Variants in SGCD observed in about 807,000 individuals in gnomAD.
SGCD encodes the protein sarcoglycan delta.
SGCD carries 18 observed loss-of-function variants against 36.6 expected under a neutral mutation model. The ratio of observed to expected loss-of-function variants is 0.49; its 90% CI spans 0.34 to 0.73. The LOEUF is 0.73. Ranked by LOEUF, SGCD falls within the 30% of genes least tolerant of loss-of-function variation. SGCD has a pLI of 0.01. For missense variants in SGCD, 387 were observed against 346.7 expected (o/e 1.12, Z -0.92); for synonymous variants, 133 against 130.6 (o/e 1.02, Z -0.12).
chr5:156,049,335 A>C (rs1416564437), intron 1 of SGCD, among the ~76,000 whole-genome samples: 1 of 145,836 alleles, frequency 6.9e-6, no homozygotes, highest in Non-Finnish European at 1.5e-5. Flanking sequence ...TATGAACTTT[A>C]AAGTAGTTTT....
intron 1 of SGCD, among the ~76,000 whole-genome samples, chr5:155,890,726 C>T (rs1425088919): frequency 6.6e-6 from 1 of 152,106 alleles, no homozygotes; most frequent in African/African-American, 2.4e-5. Context: ...GGACACAGGG[C>T]AGGTGTGGAG....
chr5:155,988,204 T>C (rs1758368614), intron 1 of SGCD, among the ~76,000 whole-genome samples: 1 of 152,132 alleles, frequency 6.6e-6, no homozygotes, highest in Non-Finnish European at 1.5e-5. Context: ...TATTCCTGTG[T>C]ATATTGCCTA....
At chr5:155,933,439 T>G (rs1048068651) in intron 1 of SGCD, among the ~76,000 whole-genome samples, 1 of 152,254 alleles carries the variant, frequency 6.6e-6, no homozygotes, top group Non-Finnish European at 1.5e-5. Flanking sequence ...AATGTGGAGA[T>G]AACTCCACAA....
intron 3 of SGCD, among the ~76,000 whole-genome samples, chr5:156,398,111 G>A (rs1199608156): frequency 6.6e-6 from 1 of 152,218 alleles, no homozygotes; most frequent in African/African-American, 2.4e-5. Flanking sequence ...TTTCTGCTTA[G>A]GCATTGGCCT....
intron 3 of SGCD, among the ~76,000 whole-genome samples, chr5:156,386,522 G>A (rs1771285508): frequency 1.3e-5 from 2 of 152,238 alleles, no homozygotes; most frequent in African/African-American, 2.4e-5. Flanking sequence ...TTTAAAATGC[G>A]TGTTGTTTAA....
At chr5:156,453,624 T>C (rs1322896420) in intron 3 of SGCD, among the ~76,000 whole-genome samples, 1 of 152,190 alleles carries the variant, frequency 6.6e-6, no homozygotes, top group African/African-American at 2.4e-5. Flanking sequence ...GGAAGGGCGG[T>C]ACTCTCAAAG....
chr5:155,900,581 C>A (rs148032766), intron 1 of SGCD, among the ~76,000 whole-genome samples: 4,824 of 141,858 alleles, frequency 0.034, 621 homozygotes, highest in Admixed American at 0.23. Context: ...CCCCTCCCCC[C>A]ACTCCACAAC....
intron 7 of SGCD, among the ~76,000 whole-genome samples, chr5:156,751,794 G>A (rs1757156214): frequency 6.6e-6 from 1 of 152,212 alleles, no homozygotes; most frequent in South Asian, 2.1e-4. Flanking sequence ...ATGTCAGCAA[G>A]AAAGTGAACA....
intron 3 of SGCD, among the ~76,000 whole-genome samples, chr5:156,361,412 C>T (rs1769788755): frequency 1.3e-5 from 2 of 152,212 alleles, no homozygotes; most frequent in Admixed American, 1.3e-4. Context: ...TGGCAAAGTA[C>T]CTAATCTTCT....
At chr5:156,592,014 A>G (rs1270907023) in intron 5 of SGCD, among the ~76,000 whole-genome samples, 1 of 152,160 alleles carries the variant, frequency 6.6e-6, no homozygotes, top group Non-Finnish European at 1.5e-5. Flanking sequence ...CTGAAAAGCA[A>G]GATAGCTTAA....
chr5:155,841,773 G>A, the SGCD span, among the ~76,000 whole-genome samples: 1 of 152,038 alleles, frequency 6.6e-6, no homozygotes, highest in Admixed American at 6.6e-5. Flanking sequence ...AATGGTTTAG[G>A]AGGATGTGAC....
At position 156,385,125 on chromosome 5, in the gene SGCD, T is replaced by A. The variant is rs113832622; in HGVS notation, c.192+40448T>A. Among the ~76,000 whole-genome samples, 4 of 152,352 alleles carry A rather than the reference T, an allele frequency of 2.6e-5. 1 individual carries two copies. Among genetic ancestry groups the A allele is most frequent in the African/African-American group, 9.6e-5 (4 of 41,578 alleles). ...TGCATTTAGATGGAGTGAAGTGCAG[T>A]GGAAAGAGCAATAACCCAGGAATTC... On this transcript the variant is annotated intron_variant, in intron 3 of 8. Coordinates refer to ENST00000337851, the MANE Select transcript of SGCD (RefSeq NM_000337.6).
At chr5:156,117,274 G>A (rs1372381855) in intron 1 of SGCD, among the ~76,000 whole-genome samples, 1 of 151,864 alleles carries the variant, frequency 6.6e-6, no homozygotes, top group African/African-American at 2.4e-5. Context: ...TAAAACCCTT[G>A]TAAAATACAA....
intron 1 of SGCD, among the ~76,000 whole-genome samples, chr5:156,117,248 A>AT (rs1761926952): frequency 1.3e-5 from 2 of 151,918 alleles, no homozygotes; most frequent in Non-Finnish European, 2.9e-5. Context: ...CCATATTACT[A>AT]TTTTTTTCAT....
intron 3 of SGCD, among the ~76,000 whole-genome samples, chr5:156,254,505 AT>A (rs1266018653): frequency 1.3e-5 from 2 of 152,222 alleles, no homozygotes; most frequent in Admixed American, 6.5e-5. Flanking sequence ...ACATTGTGTC[AT>A]TTTTTTGGTA....
At chr5:156,075,999 A>G (rs541926059) in intron 1 of SGCD, among the ~76,000 whole-genome samples, 14 of 152,202 alleles carry the variant, frequency 9.2e-5, no homozygotes, top group Admixed American at 3.3e-4. Context: ...AACTTTTTCC[A>G]GGTTTGTCCT....
In SGCD at chr5:156,242,973, T is replaced by C. The variant is rs546133726; in HGVS notation, c.-43-86561T>C. On this transcript the variant is annotated intron_variant, in intron 3 of 9. Coordinates refer to the SGCD transcript ENST00000517913. ...GCTGGGTAAGGAATACCTGGTAAGG[T>C]GGTCATGCAGGTTGCCTTTGATGAT... is the stretch of plus-strand genomic sequence containing the variant. Among the ~76,000 whole-genome samples, 3 of 152,048 alleles carry C rather than the reference T, an allele frequency of 2.0e-5. No individual in the cohort carries two copies. The South Asian group carries it at 6.2e-4, about 32-fold the overall frequency.
intron 1 of SGCD, among the ~76,000 whole-genome samples, chr5:156,041,787 A>G (rs1274991695): frequency 6.6e-6 from 1 of 152,198 alleles, no homozygotes; most frequent in Non-Finnish European, 1.5e-5. Flanking sequence ...CATAAAAGAG[A>G]GGTAATCTCT....
intron 1 of SGCD, among the ~76,000 whole-genome samples, chr5:156,078,794 A>G (rs1366087281): frequency 6.6e-6 from 1 of 150,438 alleles, no homozygotes; most frequent in East Asian, 1.9e-4. Context: ...GGATATTAAT[A>G]TTGATGGAAT....
Sources: allele counts gnomAD v4.1 joint callset (sites outside exome capture counted in the v4.1 genomes callset), GRCh38; gene constraint gnomAD v4.1.1; transcripts MANE v1.5; gene names NCBI Gene and HGNC (gene_info 2026-07-23, HGNC 2026-07-21).